The following ARL8A variants were observed in gnomAD, a reference collection of about 807,000 sequenced individuals.
ARL8A encodes ADP-ribosylation factor-like protein 8A.
ARL8A carries 10 observed loss-of-function variants against 31.2 expected under a neutral mutation model. The observed-to-expected ratio is 0.32, with a 90% confidence interval of 0.20 to 0.54. ARL8A has a LOEUF of 0.54. Among genes scored for constraint, ARL8A ranks in the 20% least tolerant of loss-of-function variants. The probability of loss-of-function intolerance (pLI) is 0.93; values close to 1 mark genes in which losing one functional copy is unlikely to be tolerated. For missense variants in ARL8A, 129 were observed against 242.8 expected, an observed-to-expected ratio of 0.53 and a Z score of 3.12; for synonymous variants, 70 against 86.9, an observed-to-expected ratio of 0.81 and a Z score of 1.08.
chr1:202,136,328 G>A (rs60730428), intron 3 of ARL8A, among the ~76,000 whole-genome samples: 2,082 of 152,220 alleles, frequency 0.014, 39 homozygotes, highest in African/African-American at 0.047. Flanking sequence ...TTGCCAGGCT[G>A]GAGTGCAGTG....
At position 202,138,235 on chromosome 1, in the gene ARL8A, G is replaced by A. The variant is rs897271572; in HGVS notation, c.204+133C>T. 7.6e-6 allele frequency: 9 copies of A among 1,184,010 alleles called. No individual in the cohort carries two copies. In the African/African-American group the frequency reaches 1.2e-4, roughly 16 times the overall value. 73.3% of individuals were successfully genotyped at this position (1,184,010 alleles called of 1,614,324 possible). ...TCTTTTCCCAGCTCCTCAGCAGGGG[G>A]ACCCTGGCCTCTGCCCCACTTCAGC... On this transcript the variant is annotated intron_variant, in intron 2 of 6. Coordinates refer to ENST00000272217, the MANE Select transcript of ARL8A (RefSeq NM_138795.4). The surrounding 1 kb of genome is among the most constrained non-coding windows in gnomAD (Gnocchi z 4.4).
At position 202,138,911 on chromosome 1, in the gene ARL8A, A is replaced by T. The variant is rs1655089734; in HGVS notation, c.124-463T>A. ...GCAGAGTATATTGGTCATCCTGAAA[A>T]TGCAGTGCATGCCAAGCAATTTCTG... On this transcript the variant is annotated intron_variant, in intron 1 of 6. Coordinates refer to ENST00000272217, the MANE Select transcript of ARL8A (RefSeq NM_138795.4). This position sits in a 1 kb window ranked among gnomAD's most constrained non-coding sequence, Gnocchi z 4.4. 6.6e-6 allele frequency among the ~76,000 whole-genome samples: 1 copy of T among 152,224 alleles called. No individual in the cohort carries two copies. Among genetic ancestry groups the T allele is most frequent in the Non-Finnish European group, 1.5e-5 (1 of 68,036 alleles).
At chr1:202,143,661 A>C (rs949203535) in intron 1 of ARL8A, among the ~76,000 whole-genome samples, 2 of 152,118 alleles carry the variant, frequency 1.3e-5, no homozygotes, top group Non-Finnish European at 2.9e-5. Flanking sequence ...AAGACTTACA[A>C]TCACCCACTT....
Position 202,144,084 on chromosome 1 carries a change from C to A in ARL8A, c.123+366G>T, listed in dbSNP as rs1429668559. 6.6e-6 allele frequency among the ~76,000 whole-genome samples: 1 copy of A among 152,316 alleles called. No individual in the cohort carries two copies. The highest frequency in any genetic ancestry group is 6.5e-5 in the Admixed American group (1 of 15,310). ...CAGGAAGGCCCGTGCACTTTCGCCC[C>A]GTCATGCCCCCTTGCGCGGGGGCCA... On this transcript the variant is annotated intron_variant, in intron 1 of 6. Coordinates refer to ENST00000272217, the MANE Select transcript of ARL8A (RefSeq NM_138795.4). The surrounding 1 kb of genome is among the most constrained non-coding windows in gnomAD (Gnocchi z 5.2).
Position 202,134,318 on chromosome 1 carries a change from C to A in ARL8A, c.*149G>T, listed in dbSNP as rs1291910330. On this transcript the variant is annotated 3_prime_UTR_variant, in exon 7 of 7. Coordinates refer to ENST00000272217, the MANE Select transcript of ARL8A (RefSeq NM_138795.4). This position sits in a 1 kb window ranked among gnomAD's most constrained non-coding sequence, Gnocchi z 4.2. Reference sequence around the variant, plus strand: ...ACAATAAAAACAGGAGTTCAAACCTCAGCAGAACAGGACTCTGGGGTCCCC... The same window carrying A: ...ACAATAAAAACAGGAGTTCAAACCTAAGCAGAACAGGACTCTGGGGTCCCC... 1 of 700,430 alleles carries A rather than the reference C, an allele frequency of 1.4e-6. No homozygotes were observed. The highest frequency in any genetic ancestry group is 1.7e-5 in the South Asian group (1 of 58,148). 43.4% of individuals were successfully genotyped at this position (700,430 alleles called of 1,614,324 possible).
In ARL8A at chr1:202,135,078, C is replaced by T. The variant is rs1654968139; in HGVS notation, c.511+72G>A. On this transcript the variant is annotated intron_variant, in intron 6 of 6. Transcript: ENST00000272217. The surrounding 1 kb of genome is among the most constrained non-coding windows in gnomAD (Gnocchi z 5.3). ...TTGGACTTCAGGGAAAGTTGTGGAG[C>T]GAGAACCTGAGAGCCACTAAAACAC... 12 of 1,460,536 alleles carry T rather than the reference C, an allele frequency of 8.2e-6. No homozygotes were observed. The highest frequency in any genetic ancestry group is 1.7e-5 in the Admixed American group (1 of 59,026). 90.5% of individuals were successfully genotyped at this position (1,460,536 alleles called of 1,614,324 possible).
chr1:202,137,786 G>A (rs952875110), intron 3 of ARL8A, among the ~76,000 whole-genome samples, 179 bp downstream of exon 3: 1 of 152,204 alleles, frequency 6.6e-6, no homozygotes, highest in African/African-American at 2.4e-5. Context: ...TGAGTGCCCA[G>A]GGCATTTATC....
chr1:202,144,221 C>T lies in ARL8A; in HGVS notation c.123+229G>A, dbSNP rs1353239208. On this transcript the variant is annotated intron_variant, in intron 1 of 6. Coordinates refer to ENST00000272217, the MANE Select transcript of ARL8A (RefSeq NM_138795.4). This position sits in a 1 kb window ranked among gnomAD's most constrained non-coding sequence, Gnocchi z 5.2. Reference sequence around the variant, plus strand: ...TTCGTCCCCCTTCCCCTGCCCCCAGCCGTGCAGTACCGGCCCGGGTGAGAG... The same window carrying T: ...TTCGTCCCCCTTCCCCTGCCCCCAGTCGTGCAGTACCGGCCCGGGTGAGAG... 1.3e-5 allele frequency among the ~76,000 whole-genome samples: 2 copies of T among 152,050 alleles called. No homozygotes were observed. The highest frequency in any genetic ancestry group is 3.9e-4 in the East Asian group (2 of 5,142).
intron 1 of ARL8A, among the ~76,000 whole-genome samples, chr1:202,141,467 C>A (rs193197074): frequency 6.6e-6 from 1 of 152,004 alleles, no homozygotes; most frequent in Non-Finnish European, 1.5e-5. Flanking sequence ...CATGACGAAA[C>A]CCCATCTCTA....
chr1:202,140,598 C>A (rs1162430143), intron 1 of ARL8A, among the ~76,000 whole-genome samples: 1 of 152,206 alleles, frequency 6.6e-6, no homozygotes, highest in Non-Finnish European at 1.5e-5. Flanking sequence ...CCCCCTGAAA[C>A]TGTACACAAT....
Position 202,135,524 on chromosome 1 carries a change from G to A in ARL8A, c.375C>T (p.Val125=). ...GGTCTCGCTTGTTACCCAGGACTAAGACCTACGGAGAAGGGAGGGTGAGGA... is the reference window on the plus strand; with the variant it reads ...GGTCTCGCTTGTTACCCAGGACTAAAACCTACGGAGAAGGGAGGGTGAGGA... ...LDKPQLQGIP[V]LVLGNKRDLP... Residue 125 remains valine (V), a splice_region_variant and synonymous_variant, in exon 5 of 7, where the codon GTC becomes GTT. Coordinates refer to ENST00000272217, the MANE Select transcript of ARL8A (RefSeq NM_138795.4). This position sits in a 1 kb window ranked among gnomAD's most constrained non-coding sequence, Gnocchi z 5.3. 2 of 1,614,054 alleles carry A rather than the reference G, an allele frequency of 1.2e-6. No individual in the cohort carries two copies. Among genetic ancestry groups the A allele is most frequent in the Non-Finnish European group, 1.7e-6 (2 of 1,179,986 alleles).
At position 202,134,581 on chromosome 1, in the gene ARL8A, A is replaced by G. The variant is rs1293540881; in HGVS notation, c.512-65T>C. On this transcript the variant is annotated intron_variant, in intron 6 of 6. Transcript: ENST00000272217. The surrounding 1 kb of genome is among the most constrained non-coding windows in gnomAD (Gnocchi z 4.2). ...TACTGGCCGTGCTGGGGCAGCAGAG[A>G]GGCCCAAGAAACCAAACCTAAGGGT... 6.7e-7 allele frequency: 1 copy of G among 1,488,750 alleles called. No homozygotes were observed. The highest frequency in any genetic ancestry group is 1.7e-5 in the Admixed American group (1 of 59,718). The allele number at this position is 1,488,750 out of a possible 1,614,324, so 92.2% of individuals were successfully genotyped here.
Position 202,144,527 on chromosome 1 carries a change from A to T in ARL8A, c.46T>A (p.Phe16Ile). ...GTGAGCTCCATCTCCTCCTTCCAGA[A>T]TAGGGCCTTGAACCAGTCCAGCAGC... ...NKLLDWFKAL[F>I]WKEEMELTLV... is the part of the protein sequence containing the mutation. Residue 16 changes from phenylalanine (F) to isoleucine (I), a missense_variant, in exon 1 of 7, where the codon TTC becomes ATC. By Grantham distance (21) the Phe-to-Ile change is conservative. Coordinates refer to ENST00000272217, the MANE Select transcript of ARL8A (RefSeq NM_138795.4). This position sits in a 1 kb window ranked among gnomAD's most constrained non-coding sequence, Gnocchi z 5.2. 6 of 1,484,768 alleles carry T rather than the reference A, an allele frequency of 4.0e-6. No individual in the cohort carries two copies. The highest frequency in any genetic ancestry group is 5.5e-6 in the Non-Finnish European group (6 of 1,099,622). The allele number at this position is 1,484,768 out of a possible 1,614,324, so 92.0% of individuals were successfully genotyped here.
At position 202,134,405 on chromosome 1, in the gene ARL8A, G is replaced by C; in HGVS notation, c.*62C>G. Reference sequence around the variant, plus strand: ...CTTAGGGGGACGACAGGGGTGGGCGGGGAGCTCGGCTTCAGGTTTAGATGA... The same window carrying C: ...CTTAGGGGGACGACAGGGGTGGGCGCGGAGCTCGGCTTCAGGTTTAGATGA... On this transcript the variant is annotated 3_prime_UTR_variant, in exon 7 of 7. Coordinates refer to ENST00000272217, the MANE Select transcript of ARL8A (RefSeq NM_138795.4). This position sits in a 1 kb window ranked among gnomAD's most constrained non-coding sequence, Gnocchi z 4.2. 2 of 1,550,396 alleles carry C rather than the reference G, an allele frequency of 1.3e-6. No individual in the cohort carries two copies. The highest frequency in any genetic ancestry group is 8.9e-7 in the Non-Finnish European group (1 of 1,123,756).
rs752828653 is a variant in ARL8A, at chr1:202,138,320, CACACACAA to C, written c.204+40_204+47del. ...ACACACACACACACACACACACACACACACACAAAAACAGTCCTCTGCACCCCCCAAGC... is the reference window on the plus strand; with the variant it reads ...ACACACACACACACACACACACACACAAACAGTCCTCTGCACCCCCCAAGC... On this transcript the variant is annotated intron_variant, in intron 2 of 6. Transcript: ENST00000272217. The surrounding 1 kb of genome is among the most constrained non-coding windows in gnomAD (Gnocchi z 4.4). 34 of 1,496,400 alleles carry C rather than the reference CACACACAA, an allele frequency of 2.3e-5. No homozygotes were observed. Among genetic ancestry groups the C allele is most frequent in the Admixed American group, 3.4e-5 (2 of 59,254 alleles). 92.7% of individuals were successfully genotyped at this position (1,496,400 alleles called of 1,614,324 possible).
At position 202,138,847 on chromosome 1, in the gene ARL8A, G is replaced by A. The variant is rs1344168668; in HGVS notation, c.124-399C>T. 6.6e-6 allele frequency among the ~76,000 whole-genome samples: 1 copy of A among 152,210 alleles called. No homozygotes were observed. The highest frequency in any genetic ancestry group is 1.5e-5 in the Non-Finnish European group (1 of 68,026). ...ATAGTTAAGGAGGATCTCAAAGAAA[G>A]CAGATGAATTTTCAAACTAAAAAAT... On this transcript the variant is annotated intron_variant, in intron 1 of 6. Coordinates refer to ENST00000272217, the MANE Select transcript of ARL8A (RefSeq NM_138795.4). This position sits in a 1 kb window ranked among gnomAD's most constrained non-coding sequence, Gnocchi z 4.4.
rs1001718058 is a variant in ARL8A at position 202,134,700 on chromosome 1, T to G, written c.512-184A>C. On this transcript the variant is annotated intron_variant, in intron 6 of 6. Transcript: ENST00000272217. This position sits in a 1 kb window ranked among gnomAD's most constrained non-coding sequence, Gnocchi z 4.2. ...TGAGAGGATTGCTTGAACCCAGGAG[T>G]GGAGTTGGAGGCTGCAGTGAGCTAT... Among the ~76,000 whole-genome samples the G allele has an allele frequency of 1.5e-4, 22 of 151,572 alleles. No homozygotes were observed. Among genetic ancestry groups the G allele is most frequent in the African/African-American group, 5.3e-4 (22 of 41,210 alleles).
rs781175535 is a variant in ARL8A at position 202,138,489 on chromosome 1, A to T, written c.124-41T>A. 6.3e-7 allele frequency: 1 copy of T among 1,583,224 alleles called. No homozygotes were observed. The highest frequency in any genetic ancestry group is 1.7e-4 in the Middle Eastern group (1 of 6,000). On this transcript the variant is annotated intron_variant, in intron 1 of 6. Coordinates refer to ENST00000272217, the MANE Select transcript of ARL8A (RefSeq NM_138795.4). The surrounding 1 kb of genome is among the most constrained non-coding windows in gnomAD (Gnocchi z 4.4). ...AGAATGGGAAACAGTGCAAAAATCG[A>T]TATGCCCCCACCGCAGACCAAGAGG...
intron 3 of ARL8A, among the ~76,000 whole-genome samples, chr1:202,136,878 A>C (rs1023706951): frequency 6.8e-6 from 1 of 147,506 alleles, no homozygotes; most frequent in African/African-American, 2.5e-5. Flanking sequence ...TTTTTGAGAC[A>C]GAGTCTCGCT....
Sources: gnomAD v4.1 joint callset for allele counts (sites outside exome capture counted in the v4.1 genomes callset) on GRCh38, gnomAD v4.1.1 for gene constraint, Gnocchi (gnomAD v3.1) non-coding constraint, MANE v1.5 for transcripts, NCBI Gene and HGNC (gene_info 2026-07-23, HGNC 2026-07-21) for gene names.